Variants in PPFIA2 observed in about 807,000 individuals in gnomAD.
PPFIA2 encodes the protein liprin-alpha-2.
A neutral mutation model predicts 175.5 loss-of-function variants in PPFIA2; 46 were observed. The observed-to-expected ratio is 0.26, with a 90% CI of 0.21 to 0.34. The LOEUF (loss-of-function observed/expected upper bound fraction) is 0.34. PPFIA2 is among the 10% of genes least tolerant of loss of function. PPFIA2 has a pLI of 1.00. For synonymous variants in PPFIA2, 568 were observed against 511.4 expected (o/e 1.11, Z -1.49); for missense variants, 1,179 against 1,506.1 (o/e 0.78, Z 3.60).
chr12:81,578,081 C>T (rs2073861739), intron 4 of PPFIA2, among the ~76,000 whole-genome samples: 1 of 151,630 alleles, frequency 6.6e-6, no homozygotes, highest in Admixed American at 6.6e-5. Context: ...TGGCTATGGG[C>T]TGGAGGCCTT....
chr12:81,675,064 G>A (rs750171702), intron 4 of PPFIA2, among the ~76,000 whole-genome samples: 4 of 151,482 alleles, frequency 2.6e-5, no homozygotes, highest in East Asian at 1.9e-4. Context: ...TTCAGAAAAC[G>A]TAAGTATAAA....
chr12:81,601,549 T>C (rs1021726385), intron 4 of PPFIA2, among the ~76,000 whole-genome samples: 1 of 151,934 alleles, frequency 6.6e-6, no homozygotes, highest in Non-Finnish European at 1.5e-5. Context: ...TCATGTTAAC[T>C]GCCTAAAGGA....
chr12:81,739,314 C>G lies in PPFIA2; in HGVS notation c.249+14659G>C, dbSNP rs867119437. On this transcript the variant is annotated intron_variant, in intron 3 of 32. Coordinates refer to ENST00000549396, the MANE Select transcript of PPFIA2 (RefSeq NM_003625.5). ...AGCTGAAGAGATTTTCTAACTCAAG[C>G]AACATCAACTGCCACAGATTATTTG... 2.0e-5 allele frequency among the ~76,000 whole-genome samples: 3 copies of G among 152,128 alleles called. No individual in the cohort carries two copies. In the South Asian group the frequency reaches 6.2e-4, roughly 32 times the overall value.
chr12:81,341,254 A>G, intron 19 of PPFIA2, 46 bp from the exon 20 acceptor site: 1 of 1,576,108 alleles, frequency 6.3e-7, no homozygotes, highest in African/African-American at 1.4e-5. Flanking sequence ...TCTAAATTTC[A>G]GTTGAAATTG....
At chr12:81,369,690 T>C (rs2034560168) in intron 11 of PPFIA2, among the ~76,000 whole-genome samples, 1 of 151,638 alleles carries the variant, frequency 6.6e-6, no homozygotes. Flanking sequence ...TCAGATGAGG[T>C]AGAAGAGGTT....
chr12:81,717,572 C>T (rs952784932), intron 3 of PPFIA2, among the ~76,000 whole-genome samples: 1 of 151,644 alleles, frequency 6.6e-6, no homozygotes, highest in East Asian at 1.9e-4. Flanking sequence ...ATAATGAGAG[C>T]TCAAATAAAC....
intron 5 of PPFIA2, among the ~76,000 whole-genome samples, chr12:81,450,299 CTGT>C (rs1378383635): frequency 1.3e-5 from 2 of 152,166 alleles, no homozygotes; most frequent in Non-Finnish European, 2.9e-5. Context: ...TCTCCAGCAC[CTGT>C]TGTTTCCTCA....
rs577203368 is a variant in PPFIA2, at chr12:81,427,385, T to G, written c.645+12587A>C. On this transcript the variant is annotated intron_variant, in intron 7 of 32. Coordinates refer to ENST00000549396, the MANE Select transcript of PPFIA2 (RefSeq NM_003625.5). ...TAATTATCCTTTTCTCATACATTAA[T>G]TATGATAACTAAAAAATGTGTGTGG... Among the ~76,000 whole-genome samples, 4 of 152,108 alleles carry G rather than the reference T, an allele frequency of 2.6e-5. 1 individual carries two copies. The South Asian group carries it at 8.3e-4, about 31-fold the overall frequency.
chr12:81,335,537 G>C (rs2056969871), intron 21 of PPFIA2, among the ~76,000 whole-genome samples: 1 of 152,088 alleles, frequency 6.6e-6, no homozygotes, highest in Non-Finnish European at 1.5e-5. Flanking sequence ...GAGGTCAGGA[G>C]TTAAGAGACC....
intron 4 of PPFIA2, among the ~76,000 whole-genome samples, chr12:81,611,043 T>C (rs1402708005): frequency 6.6e-6 from 1 of 152,022 alleles, no homozygotes; most frequent in East Asian, 1.9e-4. Flanking sequence ...CACTTAAGAG[T>C]AATGGCTGGC....
chr12:81,736,342 G>T (rs1427712982), intron 3 of PPFIA2, among the ~76,000 whole-genome samples: 2 of 151,640 alleles, frequency 1.3e-5, no homozygotes, highest in Admixed American at 6.6e-5. Context: ...CTTCATTTTT[G>T]ATCATTCTTC....
intron 4 of PPFIA2, among the ~76,000 whole-genome samples, chr12:81,511,040 T>C (rs12815635): frequency 0.3 from 44,973 of 151,832 alleles, 7,169 homozygotes; most frequent in African/African-American, 0.42. Context: ...AACAATAATT[T>C]ACCAGGAAAA....
At chr12:81,349,247 T>C (rs1299045751) in intron 17 of PPFIA2, among the ~76,000 whole-genome samples, 1 of 152,196 alleles carries the variant, frequency 6.6e-6, no homozygotes, top group African/African-American at 2.4e-5. Flanking sequence ...TCTACTTACA[T>C]GTCATTGGAA....
At chr12:81,432,837 C>T (rs1245696403) in intron 7 of PPFIA2, among the ~76,000 whole-genome samples, 1 of 151,992 alleles carries the variant, frequency 6.6e-6, no homozygotes, top group African/African-American at 2.4e-5. Flanking sequence ...CTGGAAGATG[C>T]CCAATAAGTA....
intron 4 of PPFIA2, among the ~76,000 whole-genome samples, chr12:81,558,393 T>G (rs978342183): frequency 6.6e-6 from 1 of 152,218 alleles, no homozygotes; most frequent in African/African-American, 2.4e-5. Context: ...CTAGGGCAAC[T>G]ATATTTTCAT....
At chr12:81,685,127 G>C (rs1378050656) in intron 3 of PPFIA2, among the ~76,000 whole-genome samples, 1 of 152,052 alleles carries the variant, frequency 6.6e-6, no homozygotes, top group African/African-American at 2.4e-5. Context: ...CTGGGAATAA[G>C]TAATAGAAGA....
At chr12:81,353,817 A>G (rs1424598921) in intron 16 of PPFIA2, among the ~76,000 whole-genome samples, 1 of 152,184 alleles carries the variant, frequency 6.6e-6, no homozygotes, top group Non-Finnish European at 1.5e-5. Flanking sequence ...CTAACAAAAT[A>G]TTATTTAAAA....
intron 4 of PPFIA2, among the ~76,000 whole-genome samples, chr12:81,544,221 A>C (rs912152233): frequency 8.5e-5 from 13 of 152,140 alleles, no homozygotes; most frequent in African/African-American, 3.1e-4. Context: ...TATTCTTATA[A>C]AAGCTTATTA....
chr12:81,306,504 CT>C (rs1299645045), intron 22 of PPFIA2, among the ~76,000 whole-genome samples: 1 of 141,224 alleles, frequency 7.1e-6, no homozygotes, highest in Non-Finnish European at 1.6e-5. Context: ...GAGCTTCTTT[CT>C]TACTGTTTTT....
Sources: gnomAD v4.1 joint callset for allele counts (sites outside exome capture counted in the v4.1 genomes callset) on GRCh38, gnomAD v4.1.1 for gene constraint, MANE v1.5 for transcripts, NCBI Gene and HGNC (gene_info 2026-07-23, HGNC 2026-07-21) for gene names.